Variants in TGFBR1 observed in about 807,000 individuals in gnomAD.
The protein encoded by TGFBR1 is TGF-beta receptor type-1.
Under a neutral mutation model 55.1 loss-of-function variants are expected in TGFBR1, and 20 were observed. The ratio of observed to expected loss-of-function variants is 0.36; its 90% CI spans 0.26 to 0.53. The LOEUF (loss-of-function observed/expected upper bound fraction) is 0.53, where lower values mean the gene tolerates loss of function less well. TGFBR1 is among the 20% of genes least tolerant of loss of function. TGFBR1 has a pLI of 0.91. For synonymous variants in TGFBR1, 220 were observed against 214.8 expected (o/e 1.02, Z -0.21); for missense variants, 385 against 617.6 (o/e 0.62, Z 3.99).
intron 4 of TGFBR1, among the ~76,000 whole-genome samples, chr9:99,142,142 C>T (rs1827633105): frequency 6.6e-6 from 1 of 152,128 alleles, no homozygotes; most frequent in Non-Finnish European, 1.5e-5. Context: ...CCTTGCTTCC[C>T]TCTCTGTTCC....
At chr9:99,136,486 G>C (rs1244490911) in intron 3 of TGFBR1, among the ~76,000 whole-genome samples, 1 of 152,174 alleles carries the variant, frequency 6.6e-6, no homozygotes. Flanking sequence ...TTCATAAAAT[G>C]TAATAAATTA....
At chr9:99,146,649 A>C (rs774157582) in intron 7 of TGFBR1, 40 bp downstream of exon 7, 1 of 1,613,534 alleles carries the variant, frequency 6.2e-7, no homozygotes, top group Non-Finnish European at 8.5e-7. Flanking sequence ...TGTCATGAGC[A>C]GAAGTTGTTC....
At position 99,132,720 on chromosome 9, in the gene TGFBR1, A is replaced by G; in HGVS notation, c.555A>G (p.Thr185=). The change falls in exon 3 of 9, where the codon ACA becomes ACG. Residue 185 remains threonine (T), a synonymous_variant. Transcript: ENST00000374994. ...TGAAAGACTTAATTTATGATATGAC[A>G]ACGTCAGGTTCTGGCTCAGGTAACA... is the stretch of plus-strand genomic sequence containing the variant. ...TTLKDLIYDM[T]TSGSGSGLPL... 1.2e-6 allele frequency: 2 copies of G among 1,614,174 alleles called. No homozygotes were observed. Among genetic ancestry groups the G allele is most frequent in the Non-Finnish European group, 1.7e-6 (2 of 1,180,016 alleles).
chr9:99,112,692 G>A (rs942849169), intron 1 of TGFBR1, among the ~76,000 whole-genome samples: 2 of 152,092 alleles, frequency 1.3e-5, no homozygotes, highest in African/African-American at 4.8e-5. Context: ...AAAGAAAAAA[G>A]AATGACTCCA....
chr9:99,109,418 A>T (rs1826501663), intron 1 of TGFBR1, among the ~76,000 whole-genome samples: 1 of 152,310 alleles, frequency 6.6e-6, no homozygotes, highest in African/African-American at 2.4e-5. Flanking sequence ...TGACATAAAA[A>T]TAATCAAGAG....
chr9:99,144,599 G>C (rs994383631), intron 5 of TGFBR1, 133 bp from the exon 6 acceptor site: 2 of 926,512 alleles, frequency 2.2e-6, no homozygotes, highest in African/African-American at 1.6e-5. Context: ...TAATAATGCC[G>C]TAAGTATTGT....
At chr9:99,122,471 C>G (rs1826923343) in intron 1 of TGFBR1, among the ~76,000 whole-genome samples, 1 of 151,906 alleles carries the variant, frequency 6.6e-6, no homozygotes, top group Admixed American at 6.6e-5. Flanking sequence ...ATGAGGCAAC[C>G]AAGGAAATCC....
chr9:99,125,014 C>CA (rs1040905701), intron 1 of TGFBR1, among the ~76,000 whole-genome samples: 17 of 149,216 alleles, frequency 1.1e-4, no homozygotes, highest in East Asian at 9.8e-4. Context: ...AAGACAACTA[C>CA]AAAAAAAAAC....
upstream of TGFBR1, among the ~76,000 whole-genome samples, chr9:99,104,894 G>C (rs887383178): frequency 2.0e-5 from 3 of 151,706 alleles, no homozygotes; most frequent in African/African-American, 4.8e-5. Flanking sequence ...TCGGGCCGGG[G>C]CTGGGGTCTG....
chr9:99,128,672 G>A, intron 1 of TGFBR1, 183 bp from the exon 2 acceptor site: 1 of 810,412 alleles, frequency 1.2e-6, no homozygotes. Context: ...ACGTGTATGT[G>A]GTTCTTAATA....
intron 1 of TGFBR1, among the ~76,000 whole-genome samples, chr9:99,125,794 C>G (rs1043030627): frequency 6.6e-6 from 1 of 152,166 alleles, no homozygotes; most frequent in Admixed American, 6.6e-5. Context: ...AAAATATGTT[C>G]TCAAACCTTG....
intron 1 of TGFBR1, among the ~76,000 whole-genome samples, chr9:99,115,067 TG>T (rs1415957404): frequency 1.3e-5 from 2 of 152,208 alleles, no homozygotes; most frequent in African/African-American, 4.8e-5. Flanking sequence ...CTGATTTCAT[TG>T]GGAAAAACAA....
chr9:99,132,844 ATAAAT>A, intron 3 of TGFBR1, 105 bp downstream of exon 3: 2 of 1,428,608 alleles, frequency 1.4e-6, no homozygotes, highest in South Asian at 2.5e-5. Context: ...GTGAGATAGT[ATAAAT>A]AATATTGCAG....
At chr9:99,129,187 T>A (rs1827137499) in intron 2 of TGFBR1, 87 bp downstream of exon 2, 1 of 1,476,134 alleles carries the variant, frequency 6.8e-7, no homozygotes, top group Non-Finnish European at 9.4e-7. Context: ...ATCATAAAAA[T>A]TGTCTAATCC....
At chr9:99,120,099 G>A (rs1166465776) in intron 1 of TGFBR1, among the ~76,000 whole-genome samples, 1 of 152,146 alleles carries the variant, frequency 6.6e-6, no homozygotes, top group African/African-American at 2.4e-5. Flanking sequence ...TCTGAGATTG[G>A]TACTGTTTGT....
chr9:99,131,118 A>T (rs1827210287), intron 2 of TGFBR1, among the ~76,000 whole-genome samples: 1 of 152,206 alleles, frequency 6.6e-6, no homozygotes, highest in Admixed American at 6.5e-5. Context: ...AAAAATATTA[A>T]TCCAAACACA....
chr9:99,104,290 G>C (rs1826336882), upstream of TGFBR1, among the ~76,000 whole-genome samples: 1 of 152,200 alleles, frequency 6.6e-6, no homozygotes, highest in South Asian at 2.1e-4. Context: ...TCCTTTGAGG[G>C]GTTGGGGTGG....
At chr9:99,120,349 G>A (rs1039461121) in intron 1 of TGFBR1, among the ~76,000 whole-genome samples, 1 of 152,130 alleles carries the variant, frequency 6.6e-6, no homozygotes, top group African/African-American at 2.4e-5. Context: ...TAAGAAATTT[G>A]GTTATTGTTT....
At chr9:99,121,746 C>G (rs1036933272) in intron 1 of TGFBR1, among the ~76,000 whole-genome samples, 4 of 152,146 alleles carry the variant, frequency 2.6e-5, no homozygotes, top group Non-Finnish European at 5.9e-5. Context: ...AATACTCTCA[C>G]TGCGAAGAAA....
Sources: gnomAD v4.1 joint callset for allele counts (sites outside exome capture counted in the v4.1 genomes callset) on GRCh38, gnomAD v4.1.1 for gene constraint, MANE v1.5 for transcripts, NCBI Gene and HGNC (gene_info 2026-07-23, HGNC 2026-07-21) for gene names.